The following FHIT variants were observed in gnomAD, a reference collection of about 807,000 sequenced individuals.
The protein encoded by FHIT is bis(5'-adenosyl)-triphosphatase.
In FHIT, 19 loss-of-function variants were observed where a neutral mutation model predicts 17.9. The ratio of observed to expected loss-of-function variants is 1.06; its 90% CI spans 0.74 to 1.56. FHIT has a LOEUF of 1.56. FHIT is among the 40% of genes most tolerant of loss of function. The probability of loss-of-function intolerance (pLI) is 0.00; values close to 1 mark genes in which losing one functional copy is unlikely to be tolerated. For missense variants in FHIT, 248 were observed against 189.2 expected, an observed-to-expected ratio of 1.31 and a Z score of -1.82; for synonymous variants, 81 against 69.7, an observed-to-expected ratio of 1.16 and a Z score of -0.81.
intron 7 of FHIT, among the ~76,000 whole-genome samples, chr3:59,922,899 G>C (rs1387032041): frequency 6.6e-6 from 1 of 152,128 alleles, no homozygotes; most frequent in Non-Finnish European, 1.5e-5. Context: ...TTCTCATTTA[G>C]TAAGCATTTA....
chr3:60,837,337 C>T (rs1354189069), intron 3 of FHIT, among the ~76,000 whole-genome samples: 11 of 152,132 alleles, frequency 7.2e-5, no homozygotes, highest in African/African-American at 2.4e-4. Context: ...TGCCTAGTTA[C>T]AATATTGGTA....
chr3:60,145,811 A>T (rs1700216567), intron 5 of FHIT, among the ~76,000 whole-genome samples: 1 of 152,136 alleles, frequency 6.6e-6, no homozygotes, highest in African/African-American at 2.4e-5. Flanking sequence ...TTTTCCCTCA[A>T]AGATTATTCA....
At chr3:59,753,892 T>A (rs1018742548) in intron 8 of FHIT, among the ~76,000 whole-genome samples, 60 of 152,268 alleles carry the variant, frequency 3.9e-4, no homozygotes, top group African/African-American at 1.3e-3. Flanking sequence ...GGATCTACAG[T>A]GTCCCTAAAG....
At chr3:60,253,698 G>A (rs1258956764) in intron 5 of FHIT, among the ~76,000 whole-genome samples, 1 of 152,178 alleles carries the variant, frequency 6.6e-6, no homozygotes, top group Non-Finnish European at 1.5e-5. Context: ...TGGAAACAAG[G>A]AAGGAAGGAA....
chr3:60,464,136 A>G (rs1182781783), intron 5 of FHIT, among the ~76,000 whole-genome samples: 1 of 152,160 alleles, frequency 6.6e-6, no homozygotes, highest in Non-Finnish European at 1.5e-5. Context: ...TGAGTTCACT[A>G]AAAGATCTTG....
chr3:59,895,203 C>G (rs1356409046), intron 8 of FHIT, among the ~76,000 whole-genome samples: 20 of 152,208 alleles, frequency 1.3e-4, no homozygotes, highest in Non-Finnish European at 4.4e-5. Flanking sequence ...AGTGCCAAGA[C>G]TGAGAAATCC....
intron 7 of FHIT, among the ~76,000 whole-genome samples, chr3:59,942,674 G>A (rs599589): frequency 2.2e-4 from 34 of 151,980 alleles, no homozygotes; most frequent in African/African-American, 8.0e-4. Context: ...TTAGAGACAC[G>A]GTCTTGCTCT....
At chr3:60,129,947 T>C (rs1351448645) in intron 5 of FHIT, among the ~76,000 whole-genome samples, 4 of 152,204 alleles carry the variant, frequency 2.6e-5, no homozygotes, top group African/African-American at 9.6e-5. Context: ...TGCCCTTTTC[T>C]AGAGTTTTAC....
intron 5 of FHIT, among the ~76,000 whole-genome samples, chr3:60,452,820 A>T (rs1236810191): frequency 2.0e-5 from 3 of 152,210 alleles, no homozygotes. Flanking sequence ...TATTACTAAC[A>T]ATATTAACTC....
intron 3 of FHIT, among the ~76,000 whole-genome samples, chr3:60,935,540 T>G (rs2107386989): frequency 6.6e-6 from 1 of 152,296 alleles, no homozygotes; most frequent in Non-Finnish European, 1.5e-5. Context: ...TTGGAAAAAG[T>G]TTCAAACAAT....
At chr3:59,757,301 C>T (rs1251502340) in intron 8 of FHIT, among the ~76,000 whole-genome samples, 2 of 152,178 alleles carry the variant, frequency 1.3e-5, no homozygotes, top group African/African-American at 2.4e-5. Context: ...TCTATTTCTG[C>T]ACAGCTTTGA....
At chr3:60,532,290 C>T (rs73103782) in intron 5 of FHIT, among the ~76,000 whole-genome samples, 6,985 of 152,132 alleles carry the variant, frequency 0.046, 224 homozygotes, top group Middle Eastern at 0.11. Context: ...CTGCTGAAGA[C>T]GACAGAACAA....
At chr3:60,750,786 A>G (rs1384078224) in intron 4 of FHIT, among the ~76,000 whole-genome samples, 2 of 152,202 alleles carry the variant, frequency 1.3e-5, no homozygotes, top group African/African-American at 4.8e-5. Flanking sequence ...CCTCCCTGTC[A>G]TGTGAACCAG....
chr3:60,649,150 C>G (rs1412850232), intron 4 of FHIT, among the ~76,000 whole-genome samples: 1 of 152,182 alleles, frequency 6.6e-6, no homozygotes, highest in Non-Finnish European at 1.5e-5. Flanking sequence ...GTAATCCCAG[C>G]ACTTTGGGAG....
chr3:60,331,009 A>G (rs1317406800), intron 5 of FHIT, among the ~76,000 whole-genome samples: 1 of 152,202 alleles, frequency 6.6e-6, no homozygotes, highest in East Asian at 1.9e-4. Context: ...TCCCTTTTCA[A>G]GATTCTTCCA....
chr3:60,556,458 G>A (rs2036742200), intron 4 of FHIT, among the ~76,000 whole-genome samples: 2 of 152,172 alleles, frequency 1.3e-5, no homozygotes, highest in Admixed American at 6.5e-5. Context: ...TTGCACCAAT[G>A]AGGACAAATG....
At chr3:61,133,841 C>T (rs1295600514) in intron 2 of FHIT, among the ~76,000 whole-genome samples, 1 of 152,040 alleles carries the variant, frequency 6.6e-6, no homozygotes, top group African/African-American at 2.4e-5. Context: ...AATGCCAGCA[C>T]TTTGGGAGGC....
At chr3:60,130,764 G>A (rs62240246) in intron 5 of FHIT, among the ~76,000 whole-genome samples, 2 of 4,192 alleles carry the variant, frequency 4.8e-4, no homozygotes, top group Non-Finnish European at 1.2e-3. Context: ...GTGTGTGTGT[G>A]TTTGTGTGTG....
At chr3:59,832,694 G>A (rs1701206282) in intron 8 of FHIT, among the ~76,000 whole-genome samples, 1 of 152,122 alleles carries the variant, frequency 6.6e-6, no homozygotes, top group Non-Finnish European at 1.5e-5. Context: ...ATAAATATTT[G>A]TTTATTTGGG....
Sources: gnomAD v4.1 joint callset for allele counts (sites outside exome capture counted in the v4.1 genomes callset) on GRCh38, gnomAD v4.1.1 for gene constraint, MANE v1.5 for transcripts, NCBI Gene and HGNC (gene_info 2026-07-23, HGNC 2026-07-21) for gene names.